The following SLC8A1 variants were observed in gnomAD, a reference collection of about 807,000 sequenced individuals.
The protein encoded by SLC8A1 is solute carrier family 8 member A1, also known as sodium/calcium exchanger 1.
SLC8A1 carries 18 observed loss-of-function variants against 68.3 expected under a neutral mutation model. The ratio of observed to expected loss-of-function variants is 0.26; its 90% CI spans 0.18 to 0.39. SLC8A1 has a LOEUF of 0.39. Ranked by LOEUF, SLC8A1 falls within the 10% of genes least tolerant of loss-of-function variation. The probability of loss-of-function intolerance (pLI) is 1.00; values close to 1 mark genes in which losing one functional copy is unlikely to be tolerated. For synonymous variants in SLC8A1, 475 were observed against 415.5 expected (o/e 1.14, Z -1.74); for missense variants, 985 against 1,156.7 (o/e 0.85, Z 2.15).
chr2:40,311,367 TC>T (rs2073634650), intron 2 of SLC8A1, among the ~76,000 whole-genome samples: 1 of 152,014 alleles, frequency 6.6e-6, no homozygotes, highest in Non-Finnish European at 1.5e-5. Flanking sequence ...AATCATTTTT[TC>T]TTCAGAAAAA....
intron 2 of SLC8A1, among the ~76,000 whole-genome samples, chr2:40,337,779 G>C (rs902074150): frequency 6.6e-6 from 1 of 152,002 alleles, no homozygotes; most frequent in African/African-American, 2.4e-5. Context: ...ATTCTATGAA[G>C]TTTTCTTATT....
chr2:40,237,870 G>A (rs1437351879), intron 2 of SLC8A1, among the ~76,000 whole-genome samples: 1 of 152,156 alleles, frequency 6.6e-6, no homozygotes, highest in Non-Finnish European at 1.5e-5. Context: ...TGCCATGGGA[G>A]GTGTCAGTGT....
intron 6 of SLC8A1, among the ~76,000 whole-genome samples, chr2:40,143,030 T>G (rs1407812468): frequency 6.6e-6 from 1 of 152,048 alleles, no homozygotes; most frequent in Non-Finnish European, 1.5e-5. Flanking sequence ...CAAAGAATCT[T>G]AAATGTTTTA....
chr2:40,124,506 A>G (rs894585952), intron 7 of SLC8A1, among the ~76,000 whole-genome samples: 3 of 152,170 alleles, frequency 2.0e-5, no homozygotes, highest in African/African-American at 7.2e-5. Flanking sequence ...GTTTCCAATA[A>G]TTCACCTATT....
intron 2 of SLC8A1, among the ~76,000 whole-genome samples, chr2:40,300,950 C>G (rs144764824): frequency 1.3e-5 from 2 of 152,004 alleles, no homozygotes. Flanking sequence ...ATAATCTATA[C>G]GTAATTGTCC....
exon 8 of SLC8A1, chr2:40,107,575 G>C (rs369351846): frequency 1.3e-5 from 2 of 152,102 alleles, no homozygotes; most frequent in Admixed American, 6.5e-5. Flanking sequence ...TTGTATTATA[G>C]AATATGTTTA....
chr2:40,428,585 C>G, exon 2 of SLC8A1: 2 of 1,613,884 alleles, frequency 1.2e-6, no homozygotes, highest in Non-Finnish European at 1.7e-6. Flanking sequence ...TTTCCTCGAG[C>G]TCCAGATGTT....
At chr2:40,507,819 A>G (rs542961423) in intron 1 of SLC8A1, among the ~76,000 whole-genome samples, 2 of 152,244 alleles carry the variant, frequency 1.3e-5, no homozygotes, top group African/African-American at 4.8e-5. Context: ...ACCTTCATAC[A>G]TATCAAGATA....
chr2:40,303,882 C>T (rs774640779), intron 2 of SLC8A1, among the ~76,000 whole-genome samples: 3 of 152,286 alleles, frequency 2.0e-5, no homozygotes, highest in Middle Eastern at 3.4e-3. Context: ...ATTAAAGGAG[C>T]TTGTGTTTTC....
At chr2:40,423,006 T>C (rs1695928641) in intron 2 of SLC8A1, among the ~76,000 whole-genome samples, 1 of 152,132 alleles carries the variant, frequency 6.6e-6, no homozygotes, top group Non-Finnish European at 1.5e-5. Context: ...AATACGATAA[T>C]ACCATTAGTC....
At chr2:40,489,069 T>TTAAC (rs1705155085) in intron 1 of SLC8A1, among the ~76,000 whole-genome samples, 2 of 152,158 alleles carry the variant, frequency 1.3e-5, no homozygotes, top group Non-Finnish European at 2.9e-5. Context: ...GGGAACAGCA[T>TTAAC]TAACTACTTT....
chr2:40,211,043 T>C (rs1490623821), intron 2 of SLC8A1, among the ~76,000 whole-genome samples: 2 of 152,166 alleles, frequency 1.3e-5, no homozygotes, highest in East Asian at 1.9e-4. Flanking sequence ...CTGAAGTAGG[T>C]CTTTGTCTTT....
At chr2:40,451,965 G>C (rs998172398) in exon 1 of SLC8A1, 3 of 151,928 alleles carry the variant, frequency 2.0e-5, no homozygotes, top group African/African-American at 7.2e-5. Flanking sequence ...AAAATACGGC[G>C]CACTCCCTCC....
chr2:40,437,631 A>C (rs1207042580), intron 1 of SLC8A1, among the ~76,000 whole-genome samples: 2 of 152,178 alleles, frequency 1.3e-5, no homozygotes, highest in Non-Finnish European at 2.9e-5. Flanking sequence ...TGCTATAACA[A>C]GTAGGTTAAC....
At chr2:40,231,101 T>G (rs1348218277) in intron 2 of SLC8A1, among the ~76,000 whole-genome samples, 1 of 152,212 alleles carries the variant, frequency 6.6e-6, no homozygotes, top group Non-Finnish European at 1.5e-5. Context: ...TGGCCTGCTT[T>G]GCCTTAGGGC....
chr2:40,423,448 G>A (rs1236320763), intron 2 of SLC8A1, among the ~76,000 whole-genome samples: 2 of 151,860 alleles, frequency 1.3e-5, no homozygotes, highest in African/African-American at 4.8e-5. Context: ...CCCACTGATG[G>A]CCACAAATCT....
In SLC8A1 at chr2:40,325,437, T is replaced by G. The variant is rs2149354425; in HGVS notation, c.1808+103036A>C. 2.6e-5 allele frequency among the ~76,000 whole-genome samples: 4 copies of G among 152,304 alleles called. No homozygotes were observed. The Middle Eastern group carries it at 0.014, about 518-fold the overall frequency. On this transcript the variant is annotated intron_variant, in intron 2 of 7. Coordinates refer to ENST00000406785, the Ensembl canonical transcript of SLC8A1. ...GGCTAATGATATCCCTGAGAAAGGC[T>G]AGGCATAATGACTACATTTTCTAGA...
At chr2:40,158,244 C>G (rs888070908) in intron 6 of SLC8A1, among the ~76,000 whole-genome samples, 4 of 152,162 alleles carry the variant, frequency 2.6e-5, no homozygotes, top group African/African-American at 9.6e-5. Flanking sequence ...TGCTGCTTTA[C>G]AAATTTTATT....
chr2:40,384,321 C>G (rs943527551), intron 2 of SLC8A1, among the ~76,000 whole-genome samples: 1 of 152,040 alleles, frequency 6.6e-6, no homozygotes, highest in Non-Finnish European at 1.5e-5. Flanking sequence ...ATTGTATTAA[C>G]TAGAAACTTT....
Sources: gnomAD v4.1 joint callset for allele counts (sites outside exome capture counted in the v4.1 genomes callset) on GRCh38, gnomAD v4.1.1 for gene constraint, MANE v1.5 for transcripts, NCBI Gene and HGNC (gene_info 2026-07-23, HGNC 2026-07-21) for gene names.